The following RBBP8 variants were observed in gnomAD, a reference collection of about 807,000 sequenced individuals.
The protein encoded by RBBP8 is RB binding protein 8, endonuclease, also known as DNA endonuclease RBBP8.
RBBP8 carries 88 observed loss-of-function variants against 108.3 expected under a neutral mutation model. That is an observed-to-expected ratio of 0.81 (90% CI 0.68 to 0.97). The LOEUF is 0.97. Ranked by LOEUF, RBBP8 falls within the 50% of genes least tolerant of loss-of-function variation. RBBP8 has a pLI of 0.00. For missense variants in RBBP8, 1,023 were observed against 1,049.0 expected, an observed-to-expected ratio of 0.98 and a Z score of 0.34; for synonymous variants, 332 against 348.2, an observed-to-expected ratio of 0.95 and a Z score of 0.52.
chr18:22,951,120 A>G (rs1911998400), intron 4 of RBBP8, among the ~76,000 whole-genome samples: 1 of 152,216 alleles, frequency 6.6e-6, no homozygotes, highest in Non-Finnish European at 1.5e-5. Flanking sequence ...AGAATCACAT[A>G]TGTTTTTGAA....
chr18:22,969,752 C>G (rs941656912), intron 5 of RBBP8, among the ~76,000 whole-genome samples: 3 of 152,106 alleles, frequency 2.0e-5, no homozygotes, highest in Non-Finnish European at 4.4e-5. Flanking sequence ...TCCCTCCCTT[C>G]TCTTTTGAAT....
intron 12 of RBBP8, among the ~76,000 whole-genome samples, chr18:22,996,113 T>A (rs1001860495): frequency 1.3e-5 from 2 of 152,234 alleles, no homozygotes; most frequent in African/African-American, 4.8e-5. Flanking sequence ...GCTGATGATG[T>A]TGAGCATCCT....
chr18:22,972,694 C>T (rs1241866255), intron 5 of RBBP8, among the ~76,000 whole-genome samples: 3 of 152,122 alleles, frequency 2.0e-5, no homozygotes, highest in Admixed American at 6.5e-5. Context: ...AATTCTCTTC[C>T]GAATAATATA....
At chr18:22,991,456 C>A (rs937680771) in intron 10 of RBBP8, among the ~76,000 whole-genome samples, 1 of 152,146 alleles carries the variant, frequency 6.6e-6, no homozygotes, top group Non-Finnish European at 1.5e-5. Flanking sequence ...ACTAATAATA[C>A]AGCCATTCCG....
chr18:22,922,329 C>T (rs1046340459), intron 3 of RBBP8, among the ~76,000 whole-genome samples: 1 of 151,976 alleles, frequency 6.6e-6, no homozygotes, highest in African/African-American at 2.4e-5. Context: ...ATAACACTAT[C>T]TCCTTAGAAG....
At chr18:22,968,676 T>C in intron 4 of RBBP8, 130 bp from the exon 5 acceptor site, 1 of 715,322 alleles carries the variant, frequency 1.4e-6, no homozygotes, top group East Asian at 2.9e-5. Flanking sequence ...AAAGGTATAA[T>C]AACATCATTA....
chr18:23,017,030 C>G, intron 17 of RBBP8, 106 bp downstream of exon 17: 1 of 890,286 alleles, frequency 1.1e-6, no homozygotes, highest in South Asian at 1.4e-5. Flanking sequence ...ATAGAAACCT[C>G]TTATTTGAGC....
At chr18:22,963,590 G>C (rs1913304113) in intron 4 of RBBP8, among the ~76,000 whole-genome samples, 1 of 152,120 alleles carries the variant, frequency 6.6e-6, no homozygotes, top group Admixed American at 6.5e-5. Context: ...TTTGGACTCT[G>C]TCCTCTTTAC....
intron 6 of RBBP8, among the ~76,000 whole-genome samples, chr18:22,980,965 C>CTTTTTTTTTGTTTTTTTT (rs1914882711): frequency 1.4e-5 from 1 of 69,490 alleles, no homozygotes; most frequent in Non-Finnish European, 2.6e-5. Flanking sequence ...CCACTTATGT[C>CTTTTTTTTTGTTTTTTTT]TTTTTTTTTT....
chr18:22,966,967 C>G (rs1213374705), intron 4 of RBBP8, among the ~76,000 whole-genome samples: 1 of 152,156 alleles, frequency 6.6e-6, no homozygotes, highest in Non-Finnish European at 1.5e-5. Flanking sequence ...CTCAGGTGAT[C>G]TGACCACCTC....
intron 3 of RBBP8, among the ~76,000 whole-genome samples, chr18:22,948,657 G>A (rs1911772375): frequency 6.6e-6 from 1 of 151,994 alleles, no homozygotes; most frequent in Non-Finnish European, 1.5e-5. Flanking sequence ...CTATATTCTA[G>A]CCACTTTGAC....
At chr18:22,965,456 C>T (rs1913503029) in intron 4 of RBBP8, among the ~76,000 whole-genome samples, 1 of 152,098 alleles carries the variant, frequency 6.6e-6, no homozygotes, top group African/African-American at 2.4e-5. Flanking sequence ...CTAAAGAAGA[C>T]TCCTTAATTC....
At chr18:22,917,997 CAAA>C (rs5823372) in intron 3 of RBBP8, among the ~76,000 whole-genome samples, 1 of 120,980 alleles carries the variant, frequency 8.3e-6, no homozygotes. Context: ...GACTCCGTCT[CAAA>C]AAAAAAAAAA....
chr18:22,944,585 C>T (rs2144450942), intron 2 of RBBP8, among the ~76,000 whole-genome samples: 1 of 152,294 alleles, frequency 6.6e-6, no homozygotes, highest in South Asian at 2.1e-4. Context: ...TAATGTTTGG[C>T]TAAGACTGCT....
chr18:22,997,214 T>C (rs983763945), intron 13 of RBBP8, among the ~76,000 whole-genome samples: 5 of 152,244 alleles, frequency 3.3e-5, no homozygotes, highest in African/African-American at 1.2e-4. Context: ...CTTGGTAGCA[T>C]ATTAATAACA....
chr18:22,978,759 T>C (rs1914673818), intron 6 of RBBP8, among the ~76,000 whole-genome samples: 1 of 152,168 alleles, frequency 6.6e-6, no homozygotes, highest in Admixed American at 6.5e-5. Flanking sequence ...GATTAAAAAA[T>C]TAGATATCAG....
intron 2 of RBBP8, among the ~76,000 whole-genome samples, chr18:22,943,946 TGTAAGGTTAATTGTA>T (rs1911321270): frequency 1.8e-4 from 27 of 152,336 alleles, no homozygotes; most frequent in Admixed American, 1.6e-3. Context: ...TATGAGTGTG[TGTAAGGTTAATTGTA>T]GCACAGTGCT....
chr18:23,010,802 C>T (rs973808449), intron 16 of RBBP8, among the ~76,000 whole-genome samples: 2 of 152,112 alleles, frequency 1.3e-5, no homozygotes, highest in African/African-American at 4.8e-5. Flanking sequence ...AATACTAAGA[C>T]TGCAAACCTG....
At chr18:22,977,061 A>G (rs1914546170) in intron 6 of RBBP8, among the ~76,000 whole-genome samples, 1 of 152,070 alleles carries the variant, frequency 6.6e-6, no homozygotes, top group Non-Finnish European at 1.5e-5. Flanking sequence ...TTTATTTAGG[A>G]CATGCTTAGT....
Sources: allele counts gnomAD v4.1 joint callset (sites outside exome capture counted in the v4.1 genomes callset), GRCh38; gene constraint gnomAD v4.1.1; transcripts MANE v1.5; gene names NCBI Gene and HGNC (gene_info 2026-07-23, HGNC 2026-07-21).